The following FBXO34 variants were observed in gnomAD, a reference collection of about 807,000 sequenced individuals.
The protein encoded by FBXO34 is F-box only protein 34.
In FBXO34, 12 loss-of-function variants were observed where a neutral mutation model predicts 24.5. The ratio of observed to expected loss-of-function variants is 0.49; its 90% CI spans 0.31 to 0.79. The LOEUF (loss-of-function observed/expected upper bound fraction) is 0.79. FBXO34 is among the 30% of genes least tolerant of loss of function. The pLI, the probability that FBXO34 is intolerant of heterozygous loss-of-function variation, is 0.04. For missense variants in FBXO34, 823 were observed against 857.7 expected (o/e 0.96, Z 0.51); for synonymous variants, 320 against 311.9 (o/e 1.03, Z -0.27).
chr14:55,291,413 A>G (rs1881941011), intron 1 of FBXO34, among the ~76,000 whole-genome samples: 1 of 152,192 alleles, frequency 6.6e-6, no homozygotes, highest in Non-Finnish European at 1.5e-5. Flanking sequence ...GCATGTTTTC[A>G]TTTTATTTAG....
chr14:55,360,116 A>G (rs1286987735), intron 3 of FBXO34, among the ~76,000 whole-genome samples: 1 of 151,862 alleles, frequency 6.6e-6, no homozygotes. Context: ...TCTGTCTCCC[A>G]GGCTGGAGTG....
intron 1 of FBXO34, among the ~76,000 whole-genome samples, chr14:55,332,532 G>A (rs1481927411): frequency 6.6e-6 from 1 of 152,046 alleles, no homozygotes; most frequent in Non-Finnish European, 1.5e-5. Context: ...AAGTGTTTTT[G>A]GATAAAAAGC....
chr14:55,302,382 T>A (rs1882387918), intron 1 of FBXO34, among the ~76,000 whole-genome samples: 1 of 152,182 alleles, frequency 6.6e-6, no homozygotes, highest in Non-Finnish European at 1.5e-5. Context: ...TTGTATGATG[T>A]TAGACAGTTA....
intron 1 of FBXO34, among the ~76,000 whole-genome samples, chr14:55,298,104 A>T (rs1207384498): frequency 6.6e-6 from 1 of 152,216 alleles, no homozygotes; most frequent in Non-Finnish European, 1.5e-5. Context: ...TGTGAAACTC[A>T]GGTGAGTTAA....
chr14:55,420,370 C>T, the FBXO34 span, among the ~76,000 whole-genome samples: 45 of 152,224 alleles, frequency 3.0e-4, no homozygotes, highest in African/African-American at 9.1e-4. Context: ...AATCCATTTG[C>T]GGGTGAAAAG....
downstream of FBXO34, among the ~76,000 whole-genome samples, chr14:55,365,999 T>C (rs1884669037): frequency 6.6e-6 from 1 of 152,198 alleles, no homozygotes; most frequent in East Asian, 1.9e-4. Flanking sequence ...TACTCAGGCA[T>C]CTGAGTGGTT....
chr14:55,397,723 C>G, the FBXO34 span, among the ~76,000 whole-genome samples: 1 of 152,150 alleles, frequency 6.6e-6, no homozygotes, highest in Non-Finnish European at 1.5e-5. Context: ...CATCAGAACA[C>G]TAAAGTGAAT....
intron 1 of FBXO34, among the ~76,000 whole-genome samples, chr14:55,326,547 A>G (rs1227624857): frequency 6.6e-6 from 1 of 152,202 alleles, no homozygotes; most frequent in Non-Finnish European, 1.5e-5. Context: ...GGAGGAAAAA[A>G]TCATAGATCA....
At position 55,284,621 on chromosome 14, in the gene FBXO34, C is replaced by CT. The variant is rs60464365; in HGVS notation, c.-11+13101dup. On this transcript the variant is annotated intron_variant, in intron 1 of 1. Transcript: ENST00000313833. ...TTTGTGGTTACCTAAAATTTTGTTA[C>CT]TTTTTTTTTTTTTTTTTGAAACAGG... 1.5e-3 allele frequency among the ~76,000 whole-genome samples: 189 copies of CT among 126,386 alleles called. 7 individuals carry two copies. The highest frequency in any genetic ancestry group is 5.6e-3 in the East Asian group (26 of 4,640). The allele number at this position is 126,386 out of a possible 152,430, so 82.9% of individuals were successfully genotyped here.
intron 1 of FBXO34, among the ~76,000 whole-genome samples, chr14:55,296,504 C>T (rs577707378): frequency 7.0e-6 from 1 of 143,040 alleles, no homozygotes; most frequent in South Asian, 2.3e-4. Flanking sequence ...AAGCAATTAT[C>T]CTGCATCAGC....
At chr14:55,330,940 A>G (rs1192442833) in intron 1 of FBXO34, among the ~76,000 whole-genome samples, 3 of 152,186 alleles carry the variant, frequency 2.0e-5, no homozygotes, top group African/African-American at 7.2e-5. Flanking sequence ...TCACTTCTGT[A>G]TCCCCAGTCT....
the FBXO34 span, among the ~76,000 whole-genome samples, chr14:55,406,088 A>G: frequency 2.0e-5 from 3 of 152,230 alleles, no homozygotes; most frequent in Non-Finnish European, 4.4e-5. Context: ...ATTGTCCCCA[A>G]AAGTAAAGAC....
downstream of FBXO34, among the ~76,000 whole-genome samples, chr14:55,374,025 GA>G (rs1884872645): frequency 6.6e-6 from 1 of 152,086 alleles, no homozygotes; most frequent in African/African-American, 2.4e-5. Context: ...ATTCTCAATG[GA>G]AAACCTGACT....
intron 1 of FBXO34, among the ~76,000 whole-genome samples, chr14:55,286,312 G>T (rs1881758369): frequency 6.6e-6 from 1 of 152,086 alleles, no homozygotes; most frequent in Admixed American, 6.6e-5. Context: ...TTCCCTTTTA[G>T]AAGAAAACCA....
chr14:55,398,243 G>T, the FBXO34 span, among the ~76,000 whole-genome samples: 1 of 152,030 alleles, frequency 6.6e-6, no homozygotes, highest in Non-Finnish European at 1.5e-5. Context: ...GAGCCACCGC[G>T]CCCAGCATAG....
At chr14:55,338,911 C>CA (rs796292918) in intron 1 of FBXO34, among the ~76,000 whole-genome samples, 1,517 of 103,248 alleles carry the variant, frequency 0.015, 32 homozygotes, top group African/African-American at 0.045. Flanking sequence ...ATCTCAAAAA[C>CA]AAAAAAAAAC....
At chr14:55,337,749 G>A (rs1350894997) in intron 1 of FBXO34, among the ~76,000 whole-genome samples, 1 of 152,156 alleles carries the variant, frequency 6.6e-6, no homozygotes, top group African/African-American at 2.4e-5. Context: ...TTTAAGTAAG[G>A]TGTCAAACTT....
At chr14:55,336,401 C>G (rs1425216506) in intron 1 of FBXO34, among the ~76,000 whole-genome samples, 1 of 152,190 alleles carries the variant, frequency 6.6e-6, no homozygotes, top group Non-Finnish European at 1.5e-5. Context: ...TCAGATCAGT[C>G]CCTGCAGAGC....
At chr14:55,347,235 A>G (rs1280044848) in intron 1 of FBXO34, among the ~76,000 whole-genome samples, 1 of 152,026 alleles carries the variant, frequency 6.6e-6, no homozygotes, top group Non-Finnish European at 1.5e-5. Context: ...GCTTTACCCC[A>G]CCCATGCCTG....
Sources: allele counts gnomAD v4.1 joint callset (sites outside exome capture counted in the v4.1 genomes callset), GRCh38; gene constraint gnomAD v4.1.1; transcripts MANE v1.5; gene names NCBI Gene and HGNC (gene_info 2026-07-23, HGNC 2026-07-21).